Variants in NUDT16L1 observed in about 807,000 individuals in gnomAD.
The protein encoded by NUDT16L1 is tudor-interacting repair regulator protein.
A neutral mutation model predicts 17.3 loss-of-function variants in NUDT16L1; 19 were observed. That is an observed-to-expected ratio of 1.10 (90% CI 0.77 to 1.61). The LOEUF (loss-of-function observed/expected upper bound fraction) is 1.61, where lower values mean the gene tolerates loss of function less well. Among genes scored for constraint, NUDT16L1 ranks in the 40% most tolerant of loss-of-function variants. The pLI is 0.00. For missense variants in NUDT16L1, 341 were observed against 292.0 expected (o/e 1.17, Z -1.22); for synonymous variants, 255 against 138.6 (o/e 1.84, Z -5.90).
exon 1 of NUDT16L1, chr16:4,693,716 T>C (rs755348645): frequency 6.8e-7 from 1 of 1,464,890 alleles, no homozygotes; most frequent in Admixed American, 2.4e-5. Flanking sequence ...GGGGACGGGG[T>C]CAGTGCCAAG....
chr16:4,693,851 G>A, exon 1 of NUDT16L1: 3 of 1,558,282 alleles, frequency 1.9e-6, no homozygotes, highest in Non-Finnish European at 1.7e-6. Flanking sequence ...CAGCTCTTCG[G>A]CCGCATCCCC....
exon 1 of NUDT16L1, chr16:4,693,822 G>A: frequency 1.3e-6 from 2 of 1,571,324 alleles, no homozygotes; most frequent in Admixed American, 1.8e-5. Context: ...ACGCCATGCT[G>A]TACGCCGCCA....
exon 2 of NUDT16L1, chr16:4,694,232 C>T (rs1365088326): frequency 6.7e-6 from 10 of 1,488,908 alleles, no homozygotes; most frequent in Non-Finnish European, 8.0e-6. Context: ...GCGACCACGG[C>T]CTGGAGGTGG....
exon 3 of NUDT16L1, chr16:4,695,054 T>C (rs2079512772): frequency 4.3e-6 from 7 of 1,613,356 alleles, no homozygotes; most frequent in South Asian, 1.1e-5. Context: ...CACGGCTAAG[T>C]GCCAGCTCCT....
exon 3 of NUDT16L1, chr16:4,695,837 G>GCAGCTGCTCTGTGTGTTTCT (rs553198072): frequency 8.5e-6 from 3 of 351,392 alleles, no homozygotes; most frequent in African/African-American, 6.3e-5. Context: ...AAGTCGCTCC[G>GCAGCTGCTCTGTGTGTTTCT]CAGCTGCTCT....
intron 2 of NUDT16L1, chr16:4,694,562 A>G (rs2079491442): frequency 6.9e-7 from 1 of 1,451,090 alleles, no homozygotes; most frequent in Non-Finnish European, 9.1e-7. Flanking sequence ...GGAGTTGGGA[A>G]ACTTGAGCAC....
chr16:4,693,621 G>A, upstream of NUDT16L1: 1 of 1,253,706 alleles, frequency 8.0e-7, no homozygotes, highest in Non-Finnish European at 1.0e-6. Flanking sequence ...GATTGGCGGG[G>A]GAACCGGACC....
exon 3 of NUDT16L1, chr16:4,695,149 C>G: frequency 6.2e-7 from 1 of 1,613,128 alleles, no homozygotes; most frequent in East Asian, 2.2e-5. Flanking sequence ...AGAAGAAGGC[C>G]CTGGAGAAGT....
rs748887526 is a variant in NUDT16L1 at position 4,694,553 on chromosome 16, G to T, written c.414+315G>T. On this transcript the variant is annotated intron_variant, in intron 2 of 2. Transcript: ENST00000304301. ...GGGGGAGGAGCGGGGATTGCTTGGG[G>T]AGTTGGGAAACTTGAGCACAGCGGG... is the stretch of plus-strand genomic sequence containing the variant. 4.8e-6 allele frequency: 7 copies of T among 1,456,096 alleles called. No homozygotes were observed. The South Asian group carries it at 9.6e-5, about 20-fold the overall frequency. 90.2% of individuals were successfully genotyped at this position (1,456,096 alleles called of 1,614,324 possible).
At chr16:4,693,800 G>C in exon 1 of NUDT16L1, 1 of 1,571,960 alleles carries the variant, frequency 6.4e-7, no homozygotes, top group Non-Finnish European at 8.6e-7. Context: ...CCGGGCTGGA[G>C]CCACTCGTGC....
At chr16:4,694,644 G>T (rs2079495707) in intron 2 of NUDT16L1, 5 of 1,420,932 alleles carry the variant, frequency 3.5e-6, no homozygotes, top group African/African-American at 1.4e-5. Flanking sequence ...TTGTGGTCTG[G>T]AAGGGCTGGA....
Position 4,694,256 on chromosome 16 carries a change from G to GCCCCGCC in NUDT16L1, c.414+28_414+34dup, listed in dbSNP as rs781236016. The GCCCCGCC allele has an allele frequency of 1.1e-3, 1,641 of 1,461,392 alleles. 6 individuals are homozygous for GCCCCGCC. The highest frequency in any genetic ancestry group is 3.1e-3 in the East Asian group (120 of 38,382). The allele number at this position is 1,461,392 out of a possible 1,614,324, so 90.5% of individuals were successfully genotyped here. A position where few individuals can be genotyped will look rare whatever the true frequency, so the allele number is the denominator to read the frequency against. ...GCCTGGAGGTGGGGCCGCCGCCCGG[G>GCCCCGCC]CCCCGCCCCCCGCCCCGGGGTTTGG... is the stretch of plus-strand genomic sequence containing the variant. On this transcript the variant is annotated intron_variant, in intron 2 of 2. Coordinates refer to ENST00000304301, the Ensembl canonical transcript of NUDT16L1.
At chr16:4,693,572 C>T (rs1352016020), upstream of NUDT16L1, 5 of 834,958 alleles carry the variant, frequency 6.0e-6, no homozygotes, top group Non-Finnish European at 6.4e-6. Context: ...GACGACGCAC[C>T]GCGGCGCTGC....
chr16:4,694,009 TC>T lies in NUDT16L1; in HGVS notation c.189del (p.Gly65AlafsTer14). 6.3e-7 allele frequency: 1 copy of T among 1,583,770 alleles called. No homozygotes were observed. The stretch of plus-strand genomic sequence containing the variant: ...ATGCGTTTCGACGGGCTGCTGGGCT[TC>T]CCCGGGGGCTTCGTGGACCGGCGCT... On this transcript the variant is annotated frameshift_variant, in exon 2 of 3. Coordinates refer to ENST00000304301, the Ensembl canonical transcript of NUDT16L1. LOFTEE classifies it high-confidence loss of function.
At chr16:4,694,401 C>T in intron 2 of NUDT16L1, 163 bp downstream of exon 2, 1 of 1,419,282 alleles carries the variant, frequency 7.0e-7, no homozygotes, top group Admixed American at 2.3e-5. Context: ...GGCTGGGAGG[C>T]CGGGAAAGGA....
chr16:4,694,916 T>A (rs932522355), intron 2 of NUDT16L1, 42 bp from the exon 3 acceptor site: 7 of 1,566,640 alleles, frequency 4.5e-6, no homozygotes, highest in Admixed American at 3.7e-5. Context: ...GGTGCCATTG[T>A]GTGGCAGGCC....
exon 1 of NUDT16L1, chr16:4,693,743 T>C: frequency 1.3e-6 from 2 of 1,542,002 alleles, no homozygotes; most frequent in East Asian, 2.7e-5. Context: ...ACGGCGGCGG[T>C]TCCGGAGCTG....
At chr16:4,695,605 C>G (rs1428922003) in exon 3 of NUDT16L1, 1 of 428,884 alleles carries the variant, frequency 2.3e-6, no homozygotes, top group Non-Finnish European at 4.1e-6. Flanking sequence ...CTTCCTGAGC[C>G]AGTTCAGGGC....
Position 4,694,564 on chromosome 16 carries a change from C to G in NUDT16L1, c.414+326C>G, listed in dbSNP as rs1056299602. The G allele has an allele frequency of 6.9e-6, 10 of 1,451,218 alleles. No individual in the cohort carries two copies. The East Asian group carries it at 1.0e-4, about 15-fold the overall frequency. 89.9% of individuals were successfully genotyped at this position (1,451,218 alleles called of 1,614,324 possible). A position where few individuals can be genotyped will look rare whatever the true frequency, so the allele number is the denominator to read the frequency against. On this transcript the variant is annotated intron_variant, in intron 2 of 2. Transcript: ENST00000304301. ...GGGGATTGCTTGGGGAGTTGGGAAA[C>G]TTGAGCACAGCGGGGGTTGTAAAAC...
Sources: gnomAD v4.1 joint callset for allele counts on GRCh38, gnomAD v4.1.1 for gene constraint, MANE v1.5 for transcripts, NCBI Gene and HGNC (gene_info 2026-07-23, HGNC 2026-07-21) for gene names.